The following KIF26B variants were observed in gnomAD, a reference collection of about 807,000 sequenced individuals.
KIF26B encodes kinesin-like protein KIF26B.
In KIF26B, 63 loss-of-function variants were observed where a neutral mutation model predicts 151.2. The ratio of observed to expected loss-of-function variants is 0.42; its 90% CI spans 0.34 to 0.51. KIF26B has a LOEUF of 0.51. Among genes scored for constraint, KIF26B ranks in the 20% least tolerant of loss-of-function variants. The probability of loss-of-function intolerance (pLI) is 0.07; values close to 1 mark genes in which losing one functional copy is unlikely to be tolerated. For missense variants in KIF26B, 2,813 were observed against 2,913.6 expected (o/e 0.97, Z 0.79); for synonymous variants, 1,357 against 1,262.1 (o/e 1.08, Z -1.59).
chr1:245,480,685 T>C (rs1349883355), intron 4 of KIF26B, among the ~76,000 whole-genome samples: 1 of 151,612 alleles, frequency 6.6e-6, no homozygotes, highest in East Asian at 1.9e-4. Flanking sequence ...TGTACCTGAA[T>C]TGTTCTCACT....
At chr1:245,190,047 G>T (rs185001991) in intron 2 of KIF26B, among the ~76,000 whole-genome samples, 1 of 151,002 alleles carries the variant, frequency 6.6e-6, no homozygotes, top group African/African-American at 2.4e-5. Context: ...CCCACAACAC[G>T]TGGGAATTAT....
At chr1:245,341,333 TTTTTTG>T (rs1219946301) in intron 2 of KIF26B, among the ~76,000 whole-genome samples, 4 of 112,032 alleles carry the variant, frequency 3.6e-5, no homozygotes, top group East Asian at 2.6e-4. Context: ...TTTTTTTTTT[TTTTTTG>T]AGACACTGTC....
At chr1:245,561,429 C>T (rs1377525046) in intron 5 of KIF26B, among the ~76,000 whole-genome samples, 1 of 152,152 alleles carries the variant, frequency 6.6e-6, no homozygotes, top group Non-Finnish European at 1.5e-5. Context: ...TCTAAGGGGC[C>T]AGGTTGGGTC....
At chr1:245,350,930 C>A (rs74153545) in intron 2 of KIF26B, among the ~76,000 whole-genome samples, 5,687 of 152,236 alleles carry the variant, frequency 0.037, 343 homozygotes, top group African/African-American at 0.13. Context: ...TGATGTGGGA[C>A]TCTGTTGGTT....
chr1:245,159,827 GAGA>G (rs1394877112), intron 2 of KIF26B, among the ~76,000 whole-genome samples: 1 of 152,262 alleles, frequency 6.6e-6, no homozygotes, highest in East Asian at 1.9e-4. Context: ...CTGGTGGCCT[GAGA>G]AGAACCATCT....
chr1:245,678,404 T>C (rs1465438794), intron 10 of KIF26B, among the ~76,000 whole-genome samples: 1 of 152,144 alleles, frequency 6.6e-6, no homozygotes, highest in Non-Finnish European at 1.5e-5. Context: ...GGATGGTTAC[T>C]GGAATCGATG....
In KIF26B at chr1:245,688,462, C is replaced by T. The variant is rs1198106164; in HGVS notation, c.5479C>T (p.Pro1827Ser). The change falls in exon 12 of 15, where the codon CCC becomes TCC. Residue 1827 changes from proline (P) to serine (S), a missense_variant. Around this residue, in one of 3 missense-constraint regions of KIF26B, gnomAD observed 2,060 missense variants for 2,088.6 expected, o/e 0.99. Coordinates refer to ENST00000407071, the MANE Select transcript of KIF26B (RefSeq NM_018012.4). ...CCGGGGCTTGCAGCTGCGGGCCGGG[C>T]CCGAGGCGGAGGCGCGCGGGGGGGC... ...GARGLQLRAG[P>S]EAEARGGALA... is the part of the protein sequence containing the mutation. 15 of 1,376,948 alleles carry T rather than the reference C, an allele frequency of 1.1e-5. No homozygotes were observed. The highest frequency in any genetic ancestry group is 1.8e-5 in the South Asian group (1 of 57,098). 85.3% of individuals were successfully genotyped at this position (1,376,948 alleles called of 1,614,324 possible). A position where few individuals can be genotyped will look rare whatever the true frequency, so the allele number is the denominator to read the frequency against.
intron 2 of KIF26B, among the ~76,000 whole-genome samples, chr1:245,246,595 G>T (rs779847313): frequency 1.8e-4 from 28 of 152,112 alleles, no homozygotes; most frequent in Non-Finnish European, 3.5e-4. Flanking sequence ...CCAGGGCTCT[G>T]CTCAGCACTC....
Position 245,686,143 on chromosome 1 carries a change from G to A in KIF26B, c.3160G>A (p.Gly1054Ser), listed in dbSNP as rs543422131. 6.4e-5 allele frequency: 103 copies of A among 1,612,236 alleles called. 1 individual carries two copies. In the East Asian group the frequency reaches 7.8e-4, roughly 12 times the overall value. Residue 1054 changes from glycine (G) to serine (S), a missense_variant, in exon 12 of 15, where the codon GGC becomes AGC. Physicochemically the swap from Gly to Ser is moderately conservative, Grantham distance 56. Transcript: ENST00000407071. The surrounding 1 kb of genome is among the most constrained non-coding windows in gnomAD (Gnocchi z 5.6). ...CAGCCGGGAGAGCCTCAACTCCTGC[G>A]GCTTCGTGGAAGGCAAGCCCAGGCC... is the stretch of plus-strand genomic sequence containing the variant. ...QSSRESLNSCGFVEGKPRPMG... is the reference protein window; with the variant it reads ...QSSRESLNSCSFVEGKPRPMG...
chr1:245,510,694 A>G (rs954619618), intron 4 of KIF26B, among the ~76,000 whole-genome samples: 2 of 135,142 alleles, frequency 1.5e-5, no homozygotes, highest in Non-Finnish European at 3.1e-5. Context: ...TCTCTCTGAG[A>G]TAGCAGACAC....
chr1:245,262,052 GA>G (rs1670654540), intron 2 of KIF26B, among the ~76,000 whole-genome samples: 1 of 152,168 alleles, frequency 6.6e-6, no homozygotes, highest in South Asian at 2.1e-4. Context: ...TGTCTGCACT[GA>G]GGTGTGACGA....
In KIF26B at chr1:245,287,187, C is replaced by T. The variant is rs138472456; in HGVS notation, c.466-79647C>T. 4.2e-4 allele frequency among the ~76,000 whole-genome samples: 64 copies of T among 152,200 alleles called. 1 individual carries two copies. Among genetic ancestry groups the T allele is most frequent in the Non-Finnish European group, 7.9e-4 (54 of 68,014 alleles). On this transcript the variant is annotated intron_variant, in intron 2 of 14. Coordinates refer to ENST00000407071, the MANE Select transcript of KIF26B (RefSeq NM_018012.4). ...TATCACATATAACAGGAAATATTTG[C>T]AGGTCTGGGGCTATTTTTCCATTGT...
chr1:245,575,210 C>G (rs567384202), intron 5 of KIF26B, among the ~76,000 whole-genome samples: 101 of 151,592 alleles, frequency 6.7e-4, no homozygotes, highest in African/African-American at 2.4e-3. Context: ...GGCGGTGGCT[C>G]ACGCCTGTAA....
chr1:245,543,921 C>T (rs571143114), intron 5 of KIF26B, among the ~76,000 whole-genome samples: 1 of 152,202 alleles, frequency 6.6e-6, no homozygotes, highest in Admixed American at 6.5e-5. Context: ...GTACTCCAGC[C>T]TTGACGACAG....
At chr1:245,678,677 C>T (rs2044387327) in intron 10 of KIF26B, among the ~76,000 whole-genome samples, 1 of 151,952 alleles carries the variant, frequency 6.6e-6, no homozygotes, top group Non-Finnish European at 1.5e-5. Flanking sequence ...TCGTGGCCAA[C>T]ATGGTGAAAT....
chr1:245,187,945 TG>T (rs1357305778), intron 2 of KIF26B, among the ~76,000 whole-genome samples: 4 of 152,234 alleles, frequency 2.6e-5, no homozygotes, highest in Admixed American at 1.3e-4. Flanking sequence ...GTTTGAATGA[TG>T]AGGATGAATG....
chr1:245,509,948 G>A (rs1391226412), intron 4 of KIF26B, among the ~76,000 whole-genome samples: 1 of 152,188 alleles, frequency 6.6e-6, no homozygotes, highest in East Asian at 1.9e-4. Flanking sequence ...TGGGTCTCAT[G>A]TCTCTGCTCC....
In KIF26B at chr1:245,411,866, C is replaced by T. The variant is rs529736444; in HGVS notation, c.1000-7713C>T. On this transcript the variant is annotated intron_variant, in intron 3 of 14. Coordinates refer to ENST00000407071, the MANE Select transcript of KIF26B (RefSeq NM_018012.4). ...GCTTATGTGGACTCTATCACTGCAT[C>T]GTGATGACTGGAGTAAGGTGCCCTC... Among the ~76,000 whole-genome samples, 17 of 152,244 alleles carry T rather than the reference C, an allele frequency of 1.1e-4. No individual in the cohort carries two copies. In the South Asian group the frequency reaches 2.9e-3, roughly 26 times the overall value.
chr1:245,224,890 A>G (rs1286360215), intron 2 of KIF26B, among the ~76,000 whole-genome samples: 3 of 152,308 alleles, frequency 2.0e-5, no homozygotes, highest in African/African-American at 7.2e-5. Flanking sequence ...AGAAACTACC[A>G]CTTTTAAAGT....
Sources: allele counts gnomAD v4.1 joint callset (sites outside exome capture counted in the v4.1 genomes callset), GRCh38; gene constraint gnomAD v4.1.1; regional missense constraint gnomAD v4.1.1; non-coding constraint Gnocchi (gnomAD v3.1); transcripts MANE v1.5; gene names NCBI Gene and HGNC (gene_info 2026-07-23, HGNC 2026-07-21).